MASP2: variants seen among roughly 807,000 people sequenced by gnomAD.
MASP2 encodes mannan-binding lectin serine protease 2.
MASP2 carries 49 observed loss-of-function variants against 57.1 expected under a neutral mutation model. The ratio of observed to expected loss-of-function variants is 0.86; its 90% CI spans 0.68 to 1.09. The LOEUF (loss-of-function observed/expected upper bound fraction) is 1.09. Among genes scored for constraint, MASP2 ranks in the 50% least tolerant of loss-of-function variants. MASP2 has a pLI of 0.00. For missense variants in MASP2, 900 were observed against 874.8 expected (o/e 1.03, Z -0.36); for synonymous variants, 379 against 340.8 (o/e 1.11, Z -1.24).
rs760522872 is a variant in MASP2, at chr1:11,027,658, G to A, written c.1298-10C>T. Reference sequence around the variant, plus strand: ...GCTGATAGTCCACAAACTGGAGAAAGAAGCAGATAGGTAGAGAGCCTTTGT... The same window carrying A: ...GCTGATAGTCCACAAACTGGAGAAAAAAGCAGATAGGTAGAGAGCCTTTGT... On this transcript the variant is annotated splice_polypyrimidine_tract_variant and intron_variant, in intron 10 of 10. Transcript: ENST00000400897. 6.3e-7 allele frequency: 1 copy of A among 1,588,040 alleles called. No homozygotes were observed. Among genetic ancestry groups the A allele is most frequent in the Non-Finnish European group, 8.6e-7 (1 of 1,167,714 alleles).
chr1:11,044,831 G>T (rs982528915), intron 4 of MASP2: 3 of 1,550,966 alleles, frequency 1.9e-6, no homozygotes, highest in Non-Finnish European at 2.6e-6. Context: ...TGGGTCCATG[G>T]TGGGTGAATG....
At position 11,027,386 on chromosome 1, in the gene MASP2, A is replaced by G. The variant is rs1436335485; in HGVS notation, c.1560T>C (p.His520=). 2 of 1,614,094 alleles carry G rather than the reference A, an allele frequency of 1.2e-6. No individual in the cohort carries two copies. Among genetic ancestry groups the G allele is most frequent in the East Asian group, 2.2e-5 (1 of 44,902 alleles). ...TQAWSEAVFI[H]EGYTHDAGFD... ...AGCCAGCATCATGAGTATAACCTTCATGTATAAAAACAGCTTCAGACCAGG... is the reference window on the plus strand; with the variant it reads ...AGCCAGCATCATGAGTATAACCTTCGTGTATAAAAACAGCTTCAGACCAGG... The change falls in exon 11 of 11, where the codon CAT becomes CAC. Residue 520 remains histidine, a synonymous_variant. Transcript: ENST00000400897.
At chr1:11,042,120 T>C (rs1363287134) in intron 6 of MASP2, among the ~76,000 whole-genome samples, 8 of 148,808 alleles carry the variant, frequency 5.4e-5, no homozygotes, top group Admixed American at 4.7e-4. Flanking sequence ...TATGGATAGC[T>C]GGAAGGAATG....
At chr1:11,043,594 A>C in intron 4 of MASP2, 59 bp from the exon 5 acceptor site, 1 of 1,183,810 alleles carries the variant, frequency 8.4e-7, no homozygotes, top group Non-Finnish European at 1.2e-6. Context: ...CCTCGCACCA[A>C]CAGCAGGGTG....
intron 8 of MASP2, among the ~76,000 whole-genome samples, chr1:11,031,532 A>T (rs915703069): frequency 6.8e-6 from 1 of 146,788 alleles, no homozygotes; most frequent in African/African-American, 2.6e-5. Flanking sequence ...CTGTCTTAAA[A>T]AAAAAAAAAA....
chr1:11,039,541 T>C (rs575968166), intron 6 of MASP2, among the ~76,000 whole-genome samples: 1 of 147,830 alleles, frequency 6.8e-6, no homozygotes, highest in South Asian at 2.2e-4. Context: ...ATGGGTGGGA[T>C]CTGTAGGTAG....
Position 11,037,814 on chromosome 1 carries a change from G to A in MASP2, c.890-3C>T, listed in dbSNP as rs781773747. 6.3e-7 allele frequency: 1 copy of A among 1,589,104 alleles called. No individual in the cohort carries two copies. The highest frequency in any genetic ancestry group is 1.8e-5 in the Admixed American group (1 of 56,546). ...CATCGGATAAGGGCAAGGCTGCGCT[G>A]CGCAGAGGAAACCAGGCTTGTTGGT... On this transcript the variant is annotated splice_polypyrimidine_tract_variant and splice_region_variant and intron_variant, in intron 6 of 10. Coordinates refer to ENST00000400897, the MANE Select transcript of MASP2 (RefSeq NM_006610.4).
Position 11,034,701 on chromosome 1 carries a change from A to AG in MASP2, c.1087+126_1087+127insC, listed in dbSNP as rs1643875328. 2.1e-5 allele frequency: 5 copies of AG among 241,652 alleles called. No homozygotes were observed. In the East Asian group the frequency reaches 3.7e-4, roughly 18 times the overall value. The allele number at this position is 241,652 out of a possible 1,614,324, so 15.0% of individuals were successfully genotyped here. On this transcript the variant is annotated intron_variant, in intron 8 of 10. Transcript: ENST00000400897. The stretch of plus-strand genomic sequence containing the variant: ...GCAACAGAGCAAGACCCTGTCTCAG[A>AG]AAAAAAAAAAAAAGGGAAAGAAAAA...
At chr1:11,039,330 GTGGATGGATGGATGGATGGA>G (rs57562185) in intron 6 of MASP2, among the ~76,000 whole-genome samples, 27 of 146,890 alleles carry the variant, frequency 1.8e-4, no homozygotes, top group East Asian at 4.1e-4. Context: ...TGGAAGGATG[GTGGATGGATGGATGGATGGA>G]TGGATGGATG....
chr1:11,045,362 G>C (rs111980172), intron 4 of MASP2, 46 bp downstream of exon 4: 16 of 1,610,718 alleles, frequency 9.9e-6, no homozygotes, highest in Non-Finnish European at 1.4e-5. Context: ...AGGAGCCCCG[G>C]GTATCCCAGG....
intron 8 of MASP2, among the ~76,000 whole-genome samples, chr1:11,034,545 A>G (rs1043924191): frequency 1.1e-4 from 16 of 151,868 alleles, no homozygotes; most frequent in African/African-American, 3.4e-4. Flanking sequence ...AAATAATACA[A>G]AAATTAGCCA....
chr1:11,046,412 A>G (rs1405185072), intron 3 of MASP2, 144 bp downstream of exon 3: 1 of 884,718 alleles, frequency 1.1e-6, no homozygotes, highest in East Asian at 2.6e-5. Context: ...TGGTCTTTGC[A>G]TTGTGGATGA....
intron 3 of MASP2, 118 bp downstream of exon 3, chr1:11,046,438 C>T: frequency 1.7e-6 from 2 of 1,186,090 alleles, no homozygotes; most frequent in Non-Finnish European, 2.4e-6. Flanking sequence ...GGCCAGAGGC[C>T]TCTCCCCTGC....
At chr1:11,044,748 G>A (rs1018733404) in intron 4 of MASP2, 17 of 1,452,612 alleles carry the variant, frequency 1.2e-5, no homozygotes, top group Admixed American at 1.0e-4. Context: ...AGAGAGGAGC[G>A]CACCCCGCCG....
intron 8 of MASP2, among the ~76,000 whole-genome samples, chr1:11,033,666 A>C (rs1346127102): frequency 6.6e-6 from 1 of 150,942 alleles, no homozygotes; most frequent in Non-Finnish European, 1.5e-5. Context: ...AAAAGAAAAA[A>C]ATATTGTCAA....
At chr1:11,045,253 C>T in intron 4 of MASP2, 155 bp downstream of exon 4, 2 of 1,110,110 alleles carry the variant, frequency 1.8e-6, no homozygotes, top group Non-Finnish European at 2.7e-6. Flanking sequence ...AGAGGGGAAG[C>T]AGGGCTGAGA....
chr1:11,045,338 C>A (rs752620570), intron 4 of MASP2, 70 bp downstream of exon 4: 6 of 1,605,596 alleles, frequency 3.7e-6, no homozygotes, highest in Non-Finnish European at 5.1e-6. Context: ...CTGGGCAGAG[C>A]AGCAATGGCC....
Position 11,044,760 on chromosome 1 carries a change from C to T in MASP2, c.544+648G>A, listed in dbSNP as rs1324952487. ...GGCAGAGAGGAGCGCACCCCGCCGC[C>T]TCCCGACCCTCCCACCCCAGAGACA... On this transcript the variant is annotated intron_variant, in intron 4 of 10. Transcript: ENST00000400897. 2.4e-5 allele frequency: 36 copies of T among 1,492,182 alleles called. No individual in the cohort carries two copies. The Admixed American group carries it at 7.3e-4, about 30-fold the overall frequency. The allele number at this position is 1,492,182 out of a possible 1,614,324, so 92.4% of individuals were successfully genotyped here. A position where few individuals can be genotyped will look rare whatever the true frequency, so the allele number is the denominator to read the frequency against.
intron 3 of MASP2, 87 bp from the exon 4 acceptor site, chr1:11,045,626 A>G: frequency 7.0e-7 from 1 of 1,423,056 alleles, no homozygotes; most frequent in Non-Finnish European, 9.4e-7. Context: ...CCATGACCTC[A>G]GAGTGGACCT....
Sources: allele counts gnomAD v4.1 joint callset (sites outside exome capture counted in the v4.1 genomes callset), GRCh38; gene constraint gnomAD v4.1.1; transcripts MANE v1.5; gene names NCBI Gene and HGNC (gene_info 2026-07-23, HGNC 2026-07-21).